Variants in ZNF26 observed in about 807,000 individuals in gnomAD.
ZNF26 encodes the protein epididymis luminal protein 179.
Under a neutral mutation model 54.9 loss-of-function variants are expected in ZNF26, and 32 were observed. That is an observed-to-expected ratio of 0.58 (90% CI 0.44 to 0.78). ZNF26 has a LOEUF of 0.78. ZNF26 is among the 30% of genes least tolerant of loss of function. The pLI is 0.00. For synonymous variants in ZNF26, 221 were observed against 209.2 expected, an observed-to-expected ratio of 1.06 and a Z score of -0.49; for missense variants, 524 against 634.0, an observed-to-expected ratio of 0.83 and a Z score of 1.86.
At chr12:132,992,160 G>C (rs1451661385) in intron 1 of ZNF26, among the ~76,000 whole-genome samples, 1 of 151,612 alleles carries the variant, frequency 6.6e-6, no homozygotes, top group African/African-American at 2.4e-5. Context: ...AAAAAAAAAA[G>C]TGTATCTGTG....
intron 1 of ZNF26, among the ~76,000 whole-genome samples, chr12:132,992,705 C>T (rs1952989829): frequency 6.6e-6 from 1 of 152,204 alleles, no homozygotes; most frequent in Admixed American, 6.5e-5. Context: ...GGGGAACGTA[C>T]TGAAGTGTAT....
chr12:133,008,775 C>CAA (rs57200465), intron 3 of ZNF26, among the ~76,000 whole-genome samples: 10,227 of 61,128 alleles, frequency 0.17, 628 homozygotes, highest in South Asian at 0.25. Flanking sequence ...GACTCCATCT[C>CAA]AAAAAAAAAA....
chr12:132,986,471 C>T lies in ZNF26; in HGVS notation c.-370C>T, dbSNP rs972549911. ...GTACCTGGCTGAGTCTCTGTGGCCG[C>T]GGAGGCGCGGAGCTAAGCGGCTCGG... On this transcript the variant is annotated 5_prime_UTR_variant, in exon 1 of 4. Coordinates refer to ENST00000328654, the MANE Select transcript of ZNF26 (RefSeq NM_019591.4). 8 of 258,380 alleles carry T rather than the reference C, an allele frequency of 3.1e-5. No homozygotes were observed. The East Asian group carries it at 6.2e-4, about 20-fold the overall frequency. 16.0% of individuals were successfully genotyped at this position (258,380 alleles called of 1,614,324 possible). A position where few individuals can be genotyped will look rare whatever the true frequency, so the allele number is the denominator to read the frequency against.
At position 133,001,748 on chromosome 12, in the gene ZNF26, C is replaced by T. The variant is rs1953223369; in HGVS notation, c.34-5294C>T. On this transcript the variant is annotated intron_variant, in intron 1 of 3. Coordinates refer to ENST00000328654, the MANE Select transcript of ZNF26 (RefSeq NM_019591.4). This position sits in a 1 kb window ranked among gnomAD's most constrained non-coding sequence, Gnocchi z 4.7. ...CTGCCTGAGGTGAGCCGCAGGGAGGCGGGGCCCTGTTTGAGGTGAGCTGCT... is the reference window on the plus strand; with the variant it reads ...CTGCCTGAGGTGAGCCGCAGGGAGGTGGGGCCCTGTTTGAGGTGAGCTGCT... The T allele has an allele frequency of 7.0e-6, 9 of 1,281,392 alleles. No homozygotes were observed. Among genetic ancestry groups the T allele is most frequent in the South Asian group, 2.5e-5 (2 of 80,866 alleles). The allele number at this position is 1,281,392 out of a possible 1,614,324, so 79.4% of individuals were successfully genotyped here.
Position 133,024,949 on chromosome 12 carries a change from A to G in ZNF26, c.*13468A>G, listed in dbSNP as rs1426261930. ...ATAAGGACAAACTGTATAAAAAAAG[A>G]TATTTGAACTCTCAACCTTTTTGCT... On this transcript the variant is annotated 3_prime_UTR_variant, in exon 4 of 4. Transcript: ENST00000328654. The G allele has an allele frequency of 6.6e-6, 1 of 152,208 alleles. No individual in the cohort carries two copies. Among genetic ancestry groups the G allele is most frequent in the Non-Finnish European group, 1.5e-5 (1 of 68,048 alleles). 9.4% of individuals were successfully genotyped at this position (152,208 alleles called of 1,614,324 possible).
intron 3 of ZNF26, among the ~76,000 whole-genome samples, chr12:133,009,276 C>G (rs1424697178): frequency 1.1e-4 from 17 of 152,144 alleles, no homozygotes; most frequent in Admixed American, 1.0e-3. Flanking sequence ...CTTTTAAATG[C>G]AGAAGATTGA....
chr12:133,012,121 C>A lies in ZNF26; in HGVS notation c.*640C>A, dbSNP rs1174130483. ...TTAAATGCTAATTATCTTTTGATTT[C>A]TTTTTCATAAGCAGATCTGGCATTT... On this transcript the variant is annotated 3_prime_UTR_variant, in exon 4 of 4. Coordinates refer to ENST00000328654, the MANE Select transcript of ZNF26 (RefSeq NM_019591.4). The A allele has an allele frequency of 2.6e-5, 4 of 152,074 alleles. No individual in the cohort carries two copies. Among genetic ancestry groups the A allele is most frequent in the African/African-American group, 9.7e-5 (4 of 41,396 alleles). 9.4% of individuals were successfully genotyped at this position (152,074 alleles called of 1,614,324 possible).
In ZNF26 at chr12:133,020,256, A is replaced by C. The variant is rs1953622078; in HGVS notation, c.*8775A>C. On this transcript the variant is annotated 3_prime_UTR_variant, in exon 4 of 4. Transcript: ENST00000328654. ...GAAAGCCATTATAATAAGTGAAATA[A>C]GCCAAGCACAGAAAGACAAATATTG... is the stretch of plus-strand genomic sequence containing the variant. 6.6e-6 allele frequency: 1 copy of C among 152,210 alleles called. No homozygotes were observed. The highest frequency in any genetic ancestry group is 1.5e-5 in the Non-Finnish European group (1 of 68,044). 9.4% of individuals were successfully genotyped at this position (152,210 alleles called of 1,614,324 possible).
rs1398195744 is a variant in ZNF26, at chr12:133,023,019, C to T, written c.*11538C>T. On this transcript the variant is annotated 3_prime_UTR_variant, in exon 4 of 4. Transcript: ENST00000328654. ...GGAAAAAGGGAACACTAAGTAGAGG[C>T]TTCAAGTTATTTTTAATTTTCTGTT... The T allele has an allele frequency of 6.6e-6, 1 of 152,128 alleles. No homozygotes were observed. Among genetic ancestry groups the T allele is most frequent in the East Asian group, 1.9e-4 (1 of 5,198 alleles). 9.4% of individuals were successfully genotyped at this position (152,128 alleles called of 1,614,324 possible).
At position 133,010,334 on chromosome 12, in the gene ZNF26, AG is replaced by A; in HGVS notation, c.456del (p.Lys152AsnfsTer19). On this transcript the variant is annotated frameshift_variant, in exon 4 of 4. Coordinates refer to ENST00000328654, the MANE Select transcript of ZNF26 (RefSeq NM_019591.4). LOFTEE classifies it high-confidence loss of function. The part of the protein sequence containing the change: ...SRSYLRKNPD[K>X]FHGYEEPYFL... ...AGTTATTTAAGAAAGAATCCTGATA[AG>A]TTTCATGGTTATGAAGAACCATATT... 2 of 1,613,926 alleles carry A rather than the reference AG, an allele frequency of 1.2e-6. No homozygotes were observed. The highest frequency in any genetic ancestry group is 1.7e-6 in the Non-Finnish European group (2 of 1,179,996).
intron 1 of ZNF26, among the ~76,000 whole-genome samples, chr12:132,994,978 C>CG (rs1454454494): frequency 1.3e-5 from 2 of 152,044 alleles, no homozygotes; most frequent in African/African-American, 2.4e-5. Flanking sequence ...CAAATGCCCC[C>CG]GGGGGGGCAA....
In ZNF26 at chr12:133,016,069, A is replaced by ATTTTT. The variant is rs11366507; in HGVS notation, c.*4605_*4609dup. Reference sequence around the variant, plus strand: ...TTTATTGTGAAAAAGTGTAGGGGTAATTTTTTTTTTTTTTTTTTTTTGAGA... The same window carrying ATTTTT: ...TTTATTGTGAAAAAGTGTAGGGGTAATTTTTTTTTTTTTTTTTTTTTTTTTTGAGA... On this transcript the variant is annotated 3_prime_UTR_variant, in exon 4 of 4. Coordinates refer to ENST00000328654, the MANE Select transcript of ZNF26 (RefSeq NM_019591.4). 8.5e-6 allele frequency: 1 copy of ATTTTT among 117,904 alleles called. No homozygotes were observed. Among genetic ancestry groups the ATTTTT allele is most frequent in the Non-Finnish European group, 1.7e-5 (1 of 58,136 alleles). 7.3% of individuals were successfully genotyped at this position (117,904 alleles called of 1,614,324 possible).
At chr12:132,988,747 T>G (rs1466982034) in intron 1 of ZNF26, among the ~76,000 whole-genome samples, 1 of 152,244 alleles carries the variant, frequency 6.6e-6, no homozygotes, top group Non-Finnish European at 1.5e-5. Flanking sequence ...ATATTGAGTC[T>G]TCCTATCCAT....
intron 3 of ZNF26, among the ~76,000 whole-genome samples, chr12:133,008,517 C>T (rs1195748785): frequency 6.6e-6 from 1 of 152,108 alleles, no homozygotes; most frequent in African/African-American, 2.4e-5. Flanking sequence ...TGGCTCATGC[C>T]TGTAATCCCA....
Position 133,011,606 on chromosome 12 carries a change from C to A in ZNF26, c.*125C>A. 1.0e-6 allele frequency: 1 copy of A among 970,044 alleles called. No homozygotes were observed. The allele number at this position is 970,044 out of a possible 1,614,324, so 60.1% of individuals were successfully genotyped here. On this transcript the variant is annotated 3_prime_UTR_variant, in exon 4 of 4. Transcript: ENST00000328654. ...AAAAATCAGAGAGGAGAGAGACCAA[C>A]CATATTTGGGATGAGTGTAAAAGCT... is the stretch of plus-strand genomic sequence containing the variant.
intron 1 of ZNF26, among the ~76,000 whole-genome samples, chr12:132,992,079 CG>C (rs1261534319): frequency 6.6e-5 from 10 of 151,560 alleles, no homozygotes; most frequent in Non-Finnish European, 1.2e-4. Flanking sequence ...ACCCAGGAGG[CG>C]GGGGTTGCAG....
chr12:133,003,200 G>T lies in ZNF26; in HGVS notation c.34-3842G>T, dbSNP rs1953255097. Among the ~76,000 whole-genome samples, 4 of 150,668 alleles carry T rather than the reference G, an allele frequency of 2.7e-5. No individual in the cohort carries two copies. The South Asian group carries it at 6.4e-4, about 24-fold the overall frequency. On this transcript the variant is annotated intron_variant, in intron 1 of 3. Coordinates refer to ENST00000328654, the MANE Select transcript of ZNF26 (RefSeq NM_019591.4). ...TCAGTTACCAGATTTTTGGCTTACTGTTTATTAAAAATTTATCAAAATATC... is the reference window on the plus strand; with the variant it reads ...TCAGTTACCAGATTTTTGGCTTACTTTTTATTAAAAATTTATCAAAATATC...
Position 133,011,394 on chromosome 12 carries a change from C to T in ZNF26, c.1515C>T (p.Thr505=), listed in dbSNP as rs3825108. ...SSLSEHQRVH[T]GEKPWKCSEC... is the part of the protein sequence containing the mutation. ...TCAGTGAACATCAGAGAGTTCACAC[C>T]GGAGAGAAACCATGGAAATGCTCTG... The change falls in exon 4 of 4, where the codon ACC becomes ACT. Residue 505 remains threonine (T), a synonymous_variant. Coordinates refer to ENST00000328654, the MANE Select transcript of ZNF26 (RefSeq NM_019591.4). 0.68 allele frequency: 1,087,574 copies of T among 1,611,016 alleles called. 370,271 individuals carry two copies. The highest frequency in any genetic ancestry group is 0.85 in the East Asian group (38,259 of 44,822).
intron 1 of ZNF26, among the ~76,000 whole-genome samples, chr12:132,988,071 C>T (rs1318095262): frequency 2.0e-5 from 3 of 152,142 alleles, no homozygotes; most frequent in Non-Finnish European, 2.9e-5. Context: ...TGCAGTGGCG[C>T]GATCTCGGCT....
Sources: allele counts gnomAD v4.1 joint callset (sites outside exome capture counted in the v4.1 genomes callset), GRCh38; gene constraint gnomAD v4.1.1; non-coding constraint Gnocchi (gnomAD v3.1); transcripts MANE v1.5; gene names NCBI Gene and HGNC (gene_info 2026-07-23, HGNC 2026-07-21).